CCDC60: variants seen among roughly 807,000 people sequenced by gnomAD.
CCDC60 encodes the protein coiled-coil domain-containing protein 60.
CCDC60 carries 54 observed loss-of-function variants against 63.5 expected under a neutral mutation model. That is an observed-to-expected ratio of 0.85 (90% confidence interval 0.68 to 1.07). The LOEUF (loss-of-function observed/expected upper bound fraction) is 1.07. CCDC60 is among the 50% of genes least tolerant of loss of function. The probability of loss-of-function intolerance (pLI) is 0.00; values close to 1 mark genes in which losing one functional copy is unlikely to be tolerated. For synonymous variants in CCDC60, 206 were observed against 238.8 expected (o/e 0.86, Z 1.27); for missense variants, 651 against 684.3 (o/e 0.95, Z 0.54).
chr12:119,522,877 G>C (rs2136499407), intron 9 of CCDC60, 62 bp from the exon 10 acceptor site: 1 of 1,495,892 alleles, frequency 6.7e-7, no homozygotes, highest in Non-Finnish European at 9.3e-7. Flanking sequence ...TGGAGCACTG[G>C]GGGCACCCTT....
At chr12:119,360,843 G>A (rs999439499) in intron 1 of CCDC60, among the ~76,000 whole-genome samples, 1 of 152,034 alleles carries the variant, frequency 6.6e-6, no homozygotes, top group African/African-American at 2.4e-5. Context: ...CAGCCTGGGC[G>A]CCATTGAGCA....
chr12:119,410,566 ACACACACACACACAGG>A lies in CCDC60; in HGVS notation c.91-18104_91-18089del, dbSNP rs1363069987. 1.3e-5 allele frequency among the ~76,000 whole-genome samples: 2 copies of A among 150,222 alleles called. No homozygotes were observed. The highest frequency in any genetic ancestry group is 4.9e-5 in the African/African-American group (2 of 40,962). On this transcript the variant is annotated intron_variant, in intron 1 of 13. Coordinates refer to ENST00000327554, the MANE Select transcript of CCDC60 (RefSeq NM_178499.5). The surrounding 1 kb of genome is among the most constrained non-coding windows in gnomAD (Gnocchi z 4.0). ...AAAACCTTCATCACCACACCCCAATACACACACACACACAGGCACACACACACATCCCATACTCTGC... is the reference window on the plus strand; with the variant it reads ...AAAACCTTCATCACCACACCCCAATACACACACACACATCCCATACTCTGC...
At position 119,399,123 on chromosome 12, in the gene CCDC60, G is replaced by C. The variant is rs867304110; in HGVS notation, c.91-29560G>C. 2.0e-5 allele frequency among the ~76,000 whole-genome samples: 3 copies of C among 152,282 alleles called. No individual in the cohort carries two copies. The South Asian group carries it at 6.2e-4, about 32-fold the overall frequency. ...AAAAAAATATAGGATGAAGGGCAGT[G>C]GGGTATGAATATTTCATCAATTCAA... On this transcript the variant is annotated intron_variant, in intron 1 of 13. Coordinates refer to ENST00000327554, the MANE Select transcript of CCDC60 (RefSeq NM_178499.5).
At chr12:119,400,976 C>T (rs973414227) in intron 1 of CCDC60, among the ~76,000 whole-genome samples, 1 of 152,228 alleles carries the variant, frequency 6.6e-6, no homozygotes, top group African/African-American at 2.4e-5. Context: ...GTGCAGAGCT[C>T]AGTGACATGA....
At chr12:119,516,119 A>T (rs1337744281) in intron 7 of CCDC60, among the ~76,000 whole-genome samples, 2 of 151,988 alleles carry the variant, frequency 1.3e-5, no homozygotes, top group Admixed American at 1.3e-4. Context: ...TATTGTTATT[A>T]TTTTGATTCA....
intron 7 of CCDC60, among the ~76,000 whole-genome samples, chr12:119,513,825 AAC>A (rs1022332039): frequency 1.3e-5 from 2 of 152,218 alleles, no homozygotes; most frequent in African/African-American, 4.8e-5. Context: ...ATAAAAGTAT[AAC>A]ACAATTATAT....
intron 13 of CCDC60, among the ~76,000 whole-genome samples, chr12:119,533,958 A>C (rs1370326197): frequency 6.6e-6 from 1 of 152,190 alleles, no homozygotes; most frequent in Non-Finnish European, 1.5e-5. Context: ...TTGTGAAGAA[A>C]GTCATTGGTA....
intron 7 of CCDC60, among the ~76,000 whole-genome samples, chr12:119,505,686 T>A (rs1486006779): frequency 1.3e-5 from 2 of 152,178 alleles, no homozygotes; most frequent in African/African-American, 4.8e-5. Context: ...TGAAACCCTG[T>A]CTCTACTGCA....
chr12:119,450,868 A>AAGAG lies in CCDC60; in HGVS notation c.171-21110_171-21107dup, dbSNP rs55677949. ...CAAGACTCCATCTCAAAAAAAAAAA[A>AAGAG]AGAGAGAGAGAGAGAGAGATAAGAC... is the stretch of plus-strand genomic sequence containing the variant. On this transcript the variant is annotated intron_variant, in intron 2 of 13. Transcript: ENST00000327554. Among the ~76,000 whole-genome samples, 443 of 141,672 alleles carry AAGAG rather than the reference A, an allele frequency of 3.1e-3. 4 individuals carry two copies. The highest frequency in any genetic ancestry group is 4.7e-3 in the African/African-American group (182 of 38,342). 92.9% of individuals were successfully genotyped at this position (141,672 alleles called of 152,430 possible).
Position 119,335,166 on chromosome 12 carries a change from G to A in CCDC60, c.-11G>A. On this transcript the variant is annotated 5_prime_UTR_variant, in exon 1 of 14. Coordinates refer to ENST00000327554, the MANE Select transcript of CCDC60 (RefSeq NM_178499.5). ...TTGGGGGCACAGGCTAAAACCTGAA[G>A]GATTTTTAAGATGACCAAGGTTCCA... The A allele has an allele frequency of 6.2e-7, 1 of 1,602,586 alleles. No homozygotes were observed. The highest frequency in any genetic ancestry group is 8.5e-7 in the Non-Finnish European group (1 of 1,175,044).
At chr12:119,533,390 T>C (rs867471675) in intron 13 of CCDC60, among the ~76,000 whole-genome samples, 3 of 152,234 alleles carry the variant, frequency 2.0e-5, no homozygotes, top group Non-Finnish European at 4.4e-5. Flanking sequence ...ATGATGATAG[T>C]TTCTTTTGCT....
intron 1 of CCDC60, among the ~76,000 whole-genome samples, chr12:119,379,386 G>A (rs1955986569): frequency 6.6e-6 from 1 of 152,218 alleles, no homozygotes; most frequent in South Asian, 2.1e-4. Flanking sequence ...CTTGCATCTG[G>A]AGCCATGGGC....
In CCDC60 at chr12:119,500,065, G is replaced by C; in HGVS notation, c.558-13G>C. On this transcript the variant is annotated splice_polypyrimidine_tract_variant and intron_variant, in intron 5 of 13. Coordinates refer to ENST00000327554, the MANE Select transcript of CCDC60 (RefSeq NM_178499.5). ...CTGGAAACGGAAAACTCATTAAGCT[G>C]TTTCTCACTCAGGGACCCGGGTGGA... is the stretch of plus-strand genomic sequence containing the variant. 6.3e-7 allele frequency: 1 copy of C among 1,585,338 alleles called. No homozygotes were observed. Among genetic ancestry groups the C allele is most frequent in the Non-Finnish European group, 8.7e-7 (1 of 1,154,120 alleles).
intron 7 of CCDC60, among the ~76,000 whole-genome samples, chr12:119,511,165 C>A (rs1052586739): frequency 6.6e-6 from 1 of 152,156 alleles, no homozygotes; most frequent in African/African-American, 2.4e-5. Context: ...CCATTTATAC[C>A]TTAACCTCCA....
rs541820035 is a variant in CCDC60 at position 119,522,953 on chromosome 12, G to A, written c.1055G>A (p.Ser352Asn). Residue 352 changes from serine (S) to asparagine (N), a missense_variant, in exon 10 of 14, where the codon AGT becomes AAT. Physicochemically the swap from Ser to Asn is conservative, Grantham distance 46. Coordinates refer to ENST00000327554, the MANE Select transcript of CCDC60 (RefSeq NM_178499.5). ...TTGTGTTTCAGTGAGAGATCCAGCA[G>A]TACAAGTGCAGAAAGCCACATCCAA... ...TTLKSSERSSSTSAESHIQPV... is the reference protein window; with the variant it reads ...TTLKSSERSSNTSAESHIQPV... 1.2e-6 allele frequency: 2 copies of A among 1,614,194 alleles called. No individual in the cohort carries two copies. The highest frequency in any genetic ancestry group is 1.3e-5 in the African/African-American group (1 of 75,064).
At chr12:119,388,608 C>A (rs770307001) in intron 1 of CCDC60, among the ~76,000 whole-genome samples, 2 of 151,946 alleles carry the variant, frequency 1.3e-5, no homozygotes, top group Non-Finnish European at 2.9e-5. Flanking sequence ...TATTATTTGC[C>A]CTATTTTCTA....
chr12:119,504,101 G>A (rs180774624), intron 6 of CCDC60, among the ~76,000 whole-genome samples: 3 of 152,182 alleles, frequency 2.0e-5, no homozygotes, highest in African/African-American at 7.2e-5. Flanking sequence ...TGGGATAAAG[G>A]GCATTTTCGA....
chr12:119,506,095 A>G (rs1210046137), intron 7 of CCDC60, among the ~76,000 whole-genome samples: 1 of 152,132 alleles, frequency 6.6e-6, no homozygotes, highest in African/African-American at 2.4e-5. Flanking sequence ...TGTAACCATC[A>G]CCACAATCTA....
chr12:119,371,339 C>T (rs914524523), intron 1 of CCDC60, among the ~76,000 whole-genome samples: 1 of 152,162 alleles, frequency 6.6e-6, no homozygotes, highest in Non-Finnish European at 1.5e-5. Context: ...GGGCTTAAAG[C>T]CAGAAAACTT....
Sources: allele counts gnomAD v4.1 joint callset (sites outside exome capture counted in the v4.1 genomes callset), GRCh38; gene constraint gnomAD v4.1.1; non-coding constraint Gnocchi (gnomAD v3.1); transcripts MANE v1.5; gene names NCBI Gene and HGNC (gene_info 2026-07-23, HGNC 2026-07-21).